TMEM254: variants seen among roughly 807,000 people sequenced by gnomAD.
The protein encoded by TMEM254 is transmembrane protein 254.
Under a neutral mutation model 13.9 loss-of-function variants are expected in TMEM254, and 16 were observed. That is an observed-to-expected ratio of 1.15 (90% confidence interval 0.78 to 1.75). The LOEUF is 1.75. TMEM254 is among the 40% of genes most tolerant of loss of function. The pLI, the probability that TMEM254 is intolerant of heterozygous loss-of-function variation, is 0.00. For missense variants in TMEM254, 155 were observed against 149.0 expected (o/e 1.04, Z -0.21); for synonymous variants, 61 against 56.4 (o/e 1.08, Z -0.36).
At chr10:80,088,336 T>C (rs1486759105) in intron 3 of TMEM254, among the ~76,000 whole-genome samples, 1 of 152,184 alleles carries the variant, frequency 6.6e-6, no homozygotes. Context: ...ATTCTGTGCA[T>C]TGTCTTGTGC....
chr10:80,085,269 TATGAG>T (rs761027177), intron 3 of TMEM254, among the ~76,000 whole-genome samples: 9 of 152,040 alleles, frequency 5.9e-5, no homozygotes, highest in African/African-American at 1.4e-4. Context: ...CCTTTTGAAT[TATGAG>T]ATGAGTTGGG....
At position 80,078,704 on chromosome 10, in the gene TMEM254, C is replaced by A; in HGVS notation, c.5C>A (p.Ala2Asp). ...TCCCGGGGAGGTGTTGCAGCCATGG[C>A]TACGGCAGCCGGCGCGACCTACTTT... Reference protein sequence around the residue: MATAAGATYFQR... With the variant: MDTAAGATYFQR... The change falls in exon 1 of 4, where the codon GCT (alanine) becomes GAT (aspartate). Residue 2 changes from alanine to aspartate, a missense_variant. Ala to Asp is a moderately radical substitution (Grantham distance 126, BLOSUM62 -2). Transcript: ENST00000372281. The A allele has an allele frequency of 6.2e-7, 1 of 1,600,626 alleles. No homozygotes were observed.
chr10:80,089,194 T>G (rs1844458141), intron 3 of TMEM254, among the ~76,000 whole-genome samples: 1 of 152,194 alleles, frequency 6.6e-6, no homozygotes, highest in African/African-American at 2.4e-5. Context: ...TATTTATGTT[T>G]CTTCCCTTAT....
At chr10:80,084,971 G>T (rs561012283) in intron 3 of TMEM254, among the ~76,000 whole-genome samples, 2 of 151,770 alleles carry the variant, frequency 1.3e-5, no homozygotes, top group Non-Finnish European at 2.9e-5. Context: ...GATTACAGGC[G>T]CCCGCCACCA....
At chr10:80,079,596 G>A in intron 1 of TMEM254, 3 of 988,174 alleles carry the variant, frequency 3.0e-6, no homozygotes, top group Non-Finnish European at 3.6e-6. Flanking sequence ...TGACATAGGT[G>A]TGGAAGCAAG....
chr10:80,081,794 G>T (rs757542955), intron 1 of TMEM254, 47 bp from the exon 2 acceptor site: 15 of 1,611,628 alleles, frequency 9.3e-6, no homozygotes, highest in African/African-American at 1.3e-5. Flanking sequence ...CAAAAAACAG[G>T]TTTTAAGTGA....
rs7916834 is a variant in TMEM254, at chr10:80,084,057, C to A, written c.251+1853C>A. Among the ~76,000 whole-genome samples, 1,150 of 152,140 alleles carry A rather than the reference C, an allele frequency of 7.6e-3. 14 individuals are homozygous for A. The highest frequency in any genetic ancestry group is 0.026 in the African/African-American group (1,088 of 41,492). ...CCGAGATCGCACCACTGCACTCTAGCCTGGGTGACAGAGCAAGACCCTTTC... is the reference window on the plus strand; with the variant it reads ...CCGAGATCGCACCACTGCACTCTAGACTGGGTGACAGAGCAAGACCCTTTC... On this transcript the variant is annotated intron_variant, in intron 3 of 3. Transcript: ENST00000372281.
At chr10:80,081,762 C>T (rs1388137579) in intron 1 of TMEM254, 79 bp from the exon 2 acceptor site, 2 of 1,609,584 alleles carry the variant, frequency 1.2e-6, no homozygotes, top group African/African-American at 1.3e-5. Context: ...TACTGTTTCA[C>T]AGCCTTTCTC....
chr10:80,080,079 T>C (rs1843904280), intron 1 of TMEM254, among the ~76,000 whole-genome samples: 2 of 152,234 alleles, frequency 1.3e-5, no homozygotes, highest in African/African-American at 4.8e-5. Context: ...ATGGAGGTGT[T>C]GAACTGAAAA....
intron 1 of TMEM254, among the ~76,000 whole-genome samples, chr10:80,079,931 AGGT>A (rs1288739355): frequency 6.6e-6 from 1 of 152,172 alleles, no homozygotes; most frequent in South Asian, 2.1e-4. Context: ...TCAAGTGATA[AGGT>A]GGTAAAATTT....
chr10:80,080,332 C>G (rs1843926541), intron 1 of TMEM254, among the ~76,000 whole-genome samples: 1 of 152,184 alleles, frequency 6.6e-6, no homozygotes, highest in African/African-American at 2.4e-5. Context: ...CATTTTGAAA[C>G]TGTTGAGTTA....
intron 3 of TMEM254, among the ~76,000 whole-genome samples, chr10:80,082,573 A>G (rs1488755254): frequency 6.6e-6 from 1 of 152,186 alleles, no homozygotes; most frequent in Non-Finnish European, 1.5e-5. Flanking sequence ...TCGTTTTACA[A>G]TTGAGCCACC....
At chr10:80,090,542 C>T (rs1383158611) in intron 3 of TMEM254, 1 of 684,104 alleles carries the variant, frequency 1.5e-6, no homozygotes, top group Non-Finnish European at 2.7e-6. Flanking sequence ...GAGAAACAGT[C>T]TTATAATACT....
Position 80,080,126 on chromosome 10 carries a change from CTG to C in TMEM254, c.87+1343_87+1344del, listed in dbSNP as rs1309054830. Among the ~76,000 whole-genome samples, 6 of 152,296 alleles carry C rather than the reference CTG, an allele frequency of 3.9e-5. No homozygotes were observed. In the East Asian group the frequency reaches 1.2e-3, roughly 29 times the overall value. On this transcript the variant is annotated intron_variant, in intron 1 of 3. Coordinates refer to ENST00000372281, the MANE Select transcript of TMEM254 (RefSeq NM_025125.4). ...GCATTTCTGTTCTACGATTTAGTGTCTGTGACTAGTTAGAATATAGTTGGAGG... is the reference window on the plus strand; with the variant it reads ...GCATTTCTGTTCTACGATTTAGTGTCTGACTAGTTAGAATATAGTTGGAGG...
intron 1 of TMEM254, chr10:80,079,135 C>G (rs1193346634): frequency 4.6e-6 from 6 of 1,317,476 alleles, no homozygotes; most frequent in South Asian, 1.2e-5. Context: ...TTCCGTCCAG[C>G]AAGACCCTTG....
chr10:80,082,238 T>C (rs757641641), intron 3 of TMEM254, 34 bp downstream of exon 3: 1 of 1,609,734 alleles, frequency 6.2e-7, no homozygotes. Flanking sequence ...GTTGCCTTTC[T>C]CTTAGTAGCT....
intron 1 of TMEM254, 165 bp from the exon 2 acceptor site, chr10:80,081,672 AAAAG>A (rs143538725): frequency 0.044 from 69,433 of 1,565,894 alleles, 1,484 homozygotes; most frequent in South Asian, 0.06. Context: ...TGTCAAAAAA[AAAAG>A]AAAGAAAGAA....
At chr10:80,078,816 T>C (rs1258983906) in intron 1 of TMEM254, 30 bp downstream of exon 1, 2 of 1,575,252 alleles carry the variant, frequency 1.3e-6, no homozygotes, top group Non-Finnish European at 1.7e-6. Flanking sequence ...CGCTACGGTC[T>C]GACGAACGAG....
At chr10:80,083,212 T>C (rs1844138170) in intron 3 of TMEM254, among the ~76,000 whole-genome samples, 2 of 150,472 alleles carry the variant, frequency 1.3e-5, no homozygotes, top group African/African-American at 4.9e-5. Flanking sequence ...GTTAAAACGA[T>C]TCTGCCTCAG....
Sources: gnomAD v4.1 joint callset for allele counts (sites outside exome capture counted in the v4.1 genomes callset) on GRCh38, gnomAD v4.1.1 for gene constraint, MANE v1.5 for transcripts, NCBI Gene and HGNC (gene_info 2026-07-23, HGNC 2026-07-21) for gene names.